SV2C: variants seen among roughly 807,000 people sequenced by gnomAD.
SV2C encodes the protein synaptic vesicle glycoprotein 2C.
Under a neutral mutation model 79.7 loss-of-function variants are expected in SV2C, and 49 were observed. The observed-to-expected ratio is 0.61, with a 90% CI of 0.49 to 0.78. SV2C has a LOEUF of 0.78. Among genes scored for constraint, SV2C ranks in the 30% least tolerant of loss-of-function variants. The pLI is 0.00. For synonymous variants in SV2C, 334 were observed against 333.2 expected (o/e 1.00, Z -0.03); for missense variants, 833 against 912.9 (o/e 0.91, Z 1.13).
chr5:75,905,938 T>C, the SV2C span, among the ~76,000 whole-genome samples: 1 of 147,224 alleles, frequency 6.8e-6, no homozygotes, highest in Non-Finnish European at 1.5e-5. Context: ...TCATACTAGA[T>C]AGGGTGGGTC....
chr5:76,022,934 C>A, the SV2C span, among the ~76,000 whole-genome samples: 2 of 152,278 alleles, frequency 1.3e-5, no homozygotes, highest in African/African-American at 4.8e-5. Flanking sequence ...TATGTTGGCA[C>A]TGGAAAATTT....
the SV2C span, among the ~76,000 whole-genome samples, chr5:75,920,339 C>A: frequency 6.6e-6 from 1 of 152,124 alleles, no homozygotes; most frequent in South Asian, 2.1e-4. Context: ...CCTTCAGTCA[C>A]CAATCAAATA....
At chr5:76,350,146 T>C (rs1288398871) in intron 12 of SV2C, among the ~76,000 whole-genome samples, 1 of 152,248 alleles carries the variant, frequency 6.6e-6, no homozygotes, top group Non-Finnish European at 1.5e-5. Context: ...CAAATCTGCA[T>C]GTCTTAAGTG....
chr5:76,139,118 C>CA (rs35031412), intron 2 of SV2C, among the ~76,000 whole-genome samples: 5,006 of 131,628 alleles, frequency 0.038, 279 homozygotes, highest in African/African-American at 0.12. Context: ...GACTCCATCT[C>CA]AAAAAAAAAA....
chr5:76,306,633 C>G (rs1038115813), intron 12 of SV2C, among the ~76,000 whole-genome samples: 1 of 152,096 alleles, frequency 6.6e-6, no homozygotes, highest in African/African-American at 2.4e-5. Flanking sequence ...AAAGAATTCT[C>G]TGGGTAAAAC....
At chr5:76,164,087 A>G (rs1742972871) in intron 2 of SV2C, among the ~76,000 whole-genome samples, 1 of 152,200 alleles carries the variant, frequency 6.6e-6, no homozygotes, top group African/African-American at 2.4e-5. Context: ...TTCTTTCAAC[A>G]AAGATGGGGA....
In SV2C at chr5:76,131,967, G is replaced by A. The variant is rs766038627; in HGVS notation, c.217G>A (p.Glu73Lys). 7.4e-6 allele frequency: 12 copies of A among 1,613,814 alleles called. No individual in the cohort carries two copies. The highest frequency in any genetic ancestry group is 3.3e-5 in the South Asian group (3 of 91,050). Residue 73 changes from glutamate to lysine, a missense_variant, in exon 2 of 13, where the codon GAA (glutamate) becomes AAA (lysine). Coordinates refer to ENST00000502798, the MANE Select transcript of SV2C (RefSeq NM_014979.4). ...CTATAATGGTGAGGCCAACGATGAC[G>A]AAGGCTCAAGTGAAGCCACTGAGGG... Reference protein sequence around the residue: ...ETYNGEANDDEGSSEATEGHD... With the variant: ...ETYNGEANDDKGSSEATEGHD...
rs142108932 is a variant in SV2C at position 76,222,424 on chromosome 5, T to A, written c.913+12537T>A. Among the ~76,000 whole-genome samples, 272 of 151,388 alleles carry A rather than the reference T, an allele frequency of 1.8e-3. 3 individuals carry two copies. Among genetic ancestry groups the A allele is most frequent in the African/African-American group, 6.2e-3 (255 of 41,318 alleles). The stretch of plus-strand genomic sequence containing the variant: ...TGACAAATATAGAGGTGGGAGAACA[T>A]GTTAATTATTGGCAGAGGTTTGGGA... On this transcript the variant is annotated intron_variant, in intron 4 of 12. Transcript: ENST00000502798.
At chr5:76,170,088 G>A (rs1451333746) in intron 2 of SV2C, among the ~76,000 whole-genome samples, 1 of 151,104 alleles carries the variant, frequency 6.6e-6, no homozygotes, top group Non-Finnish European at 1.5e-5. Context: ...TATTTTTTAA[G>A]TTATACAAAA....
intron 4 of SV2C, 100 bp downstream of exon 4, chr5:76,209,987 C>G (rs1744722572): frequency 7.4e-7 from 1 of 1,346,506 alleles, no homozygotes; most frequent in Non-Finnish European, 1.0e-6. Context: ...TTGAGAAAAA[C>G]TACTCATCAT....
At chr5:75,880,549 A>C in the SV2C span, among the ~76,000 whole-genome samples, 1 of 152,216 alleles carries the variant, frequency 6.6e-6, no homozygotes, top group Non-Finnish European at 1.5e-5. Context: ...GCTATGGCAT[A>C]ACAAGGATGA....
chr5:76,109,984 A>G (rs1455376766), intron 1 of SV2C, among the ~76,000 whole-genome samples: 2 of 152,220 alleles, frequency 1.3e-5, no homozygotes, highest in Non-Finnish European at 2.9e-5. Flanking sequence ...TTTTCCATAG[A>G]AATAGAATAA....
the SV2C span, among the ~76,000 whole-genome samples, chr5:75,922,892 G>A: frequency 1.3e-5 from 2 of 152,188 alleles, no homozygotes; most frequent in Non-Finnish European, 2.9e-5. Flanking sequence ...GATGTGTTAA[G>A]CACTGAGCAT....
At chr5:75,949,531 G>T in the SV2C span, among the ~76,000 whole-genome samples, 1 of 151,980 alleles carries the variant, frequency 6.6e-6, no homozygotes, top group African/African-American at 2.4e-5. Context: ...TTTTCCACAT[G>T]TTGTGGGAGG....
At chr5:76,007,893 T>C in the SV2C span, among the ~76,000 whole-genome samples, 1 of 152,182 alleles carries the variant, frequency 6.6e-6, no homozygotes, top group South Asian at 2.1e-4. Flanking sequence ...TCCTCACCTG[T>C]TGCTGACAGG....
chr5:75,994,115 A>G, the SV2C span, among the ~76,000 whole-genome samples: 2 of 152,124 alleles, frequency 1.3e-5, no homozygotes, highest in Non-Finnish European at 2.9e-5. Context: ...TTAATGCCTC[A>G]AATAGGACTG....
At chr5:75,859,512 C>G in the SV2C span, among the ~76,000 whole-genome samples, 4 of 152,166 alleles carry the variant, frequency 2.6e-5, no homozygotes, top group African/African-American at 7.2e-5. Context: ...TTAACTATCT[C>G]TCTTTGTTAA....
intron 4 of SV2C, among the ~76,000 whole-genome samples, chr5:76,268,297 G>A (rs1380207336): frequency 6.6e-6 from 1 of 152,202 alleles, no homozygotes; most frequent in African/African-American, 2.4e-5. Flanking sequence ...TGTGATGGTG[G>A]ATGAGGGCTG....
At chr5:76,243,012 T>TAAAAAAAAAAAAAAAAAAAAA (rs559052290) in intron 4 of SV2C, among the ~76,000 whole-genome samples, 49 of 49,924 alleles carry the variant, frequency 9.8e-4, no homozygotes, top group Non-Finnish European at 1.3e-3. Flanking sequence ...AGACCCCATC[T>TAAAAAAAAAAAAAAAAAAAAA]AAAAAAAAAA....
Sources: allele counts gnomAD v4.1 joint callset (sites outside exome capture counted in the v4.1 genomes callset), GRCh38; gene constraint gnomAD v4.1.1; transcripts MANE v1.5; gene names NCBI Gene and HGNC (gene_info 2026-07-23, HGNC 2026-07-21).